Variants in SIK3 observed in about 807,000 individuals in gnomAD.
SIK3 encodes the protein serine/threonine-protein kinase SIK3.
A neutral mutation model predicts 144.2 loss-of-function variants in SIK3; 28 were observed. The observed-to-expected ratio is 0.19, with a 90% CI of 0.14 to 0.27. The LOEUF (loss-of-function observed/expected upper bound fraction) is 0.27, where lower values mean the gene tolerates loss of function less well. SIK3 is among the 10% of genes least tolerant of loss of function. The pLI is 1.00. For synonymous variants in SIK3, 686 were observed against 676.3 expected, an observed-to-expected ratio of 1.01 and a Z score of -0.22; for missense variants, 1,319 against 1,776.0, an observed-to-expected ratio of 0.74 and a Z score of 4.62.
chr11:116,925,610 T>C (rs964696411), intron 4 of SIK3, among the ~76,000 whole-genome samples: 3 of 152,222 alleles, frequency 2.0e-5, no homozygotes, highest in Admixed American at 6.5e-5. Context: ...TTGTGGTAAT[T>C]TGTTATAGTA....
intron 4 of SIK3, among the ~76,000 whole-genome samples, chr11:116,901,585 T>C (rs1422584281): frequency 6.6e-6 from 1 of 152,186 alleles, no homozygotes; most frequent in African/African-American, 2.4e-5. Flanking sequence ...CTACAAGAAA[T>C]GTCCCCTATC....
At chr11:116,974,388 T>C (rs17120197) in intron 1 of SIK3, among the ~76,000 whole-genome samples, 29,735 of 152,186 alleles carry the variant, frequency 0.2, 3,041 homozygotes, top group Admixed American at 0.23. Context: ...ATGGTTTCCA[T>C]ATAAAGAACA....
chr11:117,090,680 G>A (rs1032449319), intron 1 of SIK3, among the ~76,000 whole-genome samples: 1 of 152,208 alleles, frequency 6.6e-6, no homozygotes, highest in Non-Finnish European at 1.5e-5. Context: ...GTCATTGCAT[G>A]CTGTGTTTAC....
intron 21 of SIK3, 177 bp downstream of exon 21, chr11:116,857,633 A>G: frequency 9.7e-7 from 1 of 1,028,166 alleles, no homozygotes; most frequent in Non-Finnish European, 1.4e-6. Flanking sequence ...GATTTTGAAA[A>G]TGGACCCCTT....
chr11:116,856,014 G>A (rs1169025957), intron 21 of SIK3, among the ~76,000 whole-genome samples: 1 of 151,938 alleles, frequency 6.6e-6, no homozygotes, highest in Non-Finnish European at 1.5e-5. Flanking sequence ...TGGCTAACAC[G>A]GTGAAACCCT....
In SIK3 at chr11:116,849,321, A is replaced by C. The variant is rs1942246719; in HGVS notation, c.3656-38T>G. The C allele has an allele frequency of 1.2e-6, 2 of 1,611,986 alleles. No individual in the cohort carries two copies. The highest frequency in any genetic ancestry group is 1.7e-6 in the Non-Finnish European group (2 of 1,178,828). On this transcript the variant is annotated intron_variant, in intron 21 of 24. Coordinates refer to ENST00000445177, the MANE Select transcript of SIK3 (RefSeq NM_001366686.3). This position sits in a 1 kb window ranked among gnomAD's most constrained non-coding sequence, Gnocchi z 4.2. ...AGCAGAATAGAGTCAGTGGGGCGGAACTTCTCCCAGCACTGGAAACTCCCA... is the reference window on the plus strand; with the variant it reads ...AGCAGAATAGAGTCAGTGGGGCGGACCTTCTCCCAGCACTGGAAACTCCCA...
chr11:117,061,899 C>G (rs17120265), intron 1 of SIK3, among the ~76,000 whole-genome samples: 8,609 of 151,882 alleles, frequency 0.057, 525 homozygotes, highest in African/African-American at 0.15. Context: ...GAAACATATT[C>G]TAAAGATACA....
chr11:116,860,113 C>T (rs1437806113), intron 19 of SIK3, among the ~76,000 whole-genome samples: 4 of 151,968 alleles, frequency 2.6e-5, no homozygotes, highest in African/African-American at 7.3e-5. Context: ...GGTGTGGTGG[C>T]GGGCGCCTGT....
intron 1 of SIK3, among the ~76,000 whole-genome samples, chr11:117,013,858 C>A (rs1951375834): frequency 8.7e-6 from 1 of 114,662 alleles, no homozygotes; most frequent in Non-Finnish European, 1.7e-5. Context: ...GTGTCACAGC[C>A]AGGTCCCCAA....
intron 1 of SIK3, among the ~76,000 whole-genome samples, chr11:116,996,228 A>C (rs143367870): frequency 0.023 from 3,431 of 152,204 alleles, 69 homozygotes; most frequent in South Asian, 0.089. Context: ...GAATCGCTTG[A>C]ACCTGGGAGA....
chr11:116,890,613 C>A (rs913206395), intron 6 of SIK3, among the ~76,000 whole-genome samples: 1 of 152,126 alleles, frequency 6.6e-6, no homozygotes, highest in Non-Finnish European at 1.5e-5. Flanking sequence ...GAAGTAGTTA[C>A]AATATAAAGC....
At position 116,956,931 on chromosome 11, in the gene SIK3, T is replaced by C; in HGVS notation, c.390+17A>G. ...CTGGGTTCTTTGCAGCTATCTGCTA[T>C]ACACTAATGATCCTACCTGGTAGAG... is the stretch of plus-strand genomic sequence containing the variant. On this transcript the variant is annotated intron_variant, in intron 2 of 24. Coordinates refer to ENST00000445177, the MANE Select transcript of SIK3 (RefSeq NM_001366686.3). 4 of 1,514,458 alleles carry C rather than the reference T, an allele frequency of 2.6e-6. No individual in the cohort carries two copies. The highest frequency in any genetic ancestry group is 3.6e-6 in the Non-Finnish European group (4 of 1,110,168). 93.8% of individuals were successfully genotyped at this position (1,514,458 alleles called of 1,614,324 possible).
chr11:116,916,211 A>C (rs879284501), intron 4 of SIK3, among the ~76,000 whole-genome samples: 9 of 152,190 alleles, frequency 5.9e-5, no homozygotes, highest in Non-Finnish European at 1.3e-4. Flanking sequence ...AACCTCCGCA[A>C]AGACGAGCCA....
At chr11:116,888,019 T>A in intron 6 of SIK3, among the ~76,000 whole-genome samples, 1 of 152,110 alleles carries the variant, frequency 6.6e-6, no homozygotes, top group African/African-American at 2.4e-5. Flanking sequence ...TTACTGACAA[T>A]AGAGAGCAGC....
At chr11:116,947,731 A>C (rs1234058837) in intron 3 of SIK3, among the ~76,000 whole-genome samples, 1 of 151,202 alleles carries the variant, frequency 6.6e-6, no homozygotes, top group East Asian at 1.9e-4. Flanking sequence ...TTGCCCAGCT[A>C]ATTTTTTGTA....
chr11:116,954,692 T>C (rs1399083996), intron 2 of SIK3, among the ~76,000 whole-genome samples: 1 of 152,226 alleles, frequency 6.6e-6, no homozygotes, highest in African/African-American at 2.4e-5. Flanking sequence ...GGTCCCTTTG[T>C]TGCTCCTTTT....
chr11:116,954,131 CAG>C, intron 2 of SIK3, 24 bp from the exon 3 acceptor site: 3 of 1,602,676 alleles, frequency 1.9e-6, no homozygotes, highest in Non-Finnish European at 2.6e-6. Context: ...AGGAAAGTGA[CAG>C]ACAGTGACAC....
intron 15 of SIK3, among the ~76,000 whole-genome samples, chr11:116,866,356 C>A (rs1362581407): frequency 6.6e-6 from 1 of 151,284 alleles, no homozygotes; most frequent in African/African-American, 2.4e-5. Context: ...GTATTAGATA[C>A]CAGTGTAGAG....
chr11:117,022,451 T>G (rs1347072764), intron 1 of SIK3, among the ~76,000 whole-genome samples: 1 of 152,162 alleles, frequency 6.6e-6, no homozygotes, highest in Non-Finnish European at 1.5e-5. Flanking sequence ...TGAAAAAACA[T>G]ATTCTTTCCT....
Sources: gnomAD v4.1 joint callset for allele counts (sites outside exome capture counted in the v4.1 genomes callset) on GRCh38, gnomAD v4.1.1 for gene constraint, Gnocchi (gnomAD v3.1) non-coding constraint, MANE v1.5 for transcripts, NCBI Gene and HGNC (gene_info 2026-07-23, HGNC 2026-07-21) for gene names.